Variants in GALNT2 observed in about 807,000 individuals in gnomAD.
GALNT2 encodes the protein UDP-GalNAc:polypeptide N-acetylgalactosaminyltransferase 2.
GALNT2 carries 31 observed loss-of-function variants against 81.4 expected under a neutral mutation model. The ratio of observed to expected loss-of-function variants is 0.38; its 90% confidence interval spans 0.29 to 0.51. The LOEUF (loss-of-function observed/expected upper bound fraction) is 0.51, where lower values mean the gene tolerates loss of function less well. GALNT2 is among the 20% of genes least tolerant of loss of function. The pLI, the probability that GALNT2 is intolerant of heterozygous loss-of-function variation, is 0.87. For missense variants in GALNT2, 629 were observed against 765.7 expected (o/e 0.82, Z 2.11); for synonymous variants, 303 against 287.4 (o/e 1.05, Z -0.55).
Position 230,079,218 on chromosome 1 carries a change from G to T in GALNT2, c.126+11812G>T, listed in dbSNP as rs1423169154. On this transcript the variant is annotated intron_variant, in intron 1 of 15. Coordinates refer to ENST00000366672, the MANE Select transcript of GALNT2 (RefSeq NM_004481.5). ...TTTTACGTGGTATTTGTCAATAAGA[G>T]ATTTTGGCAAATTATGATACTGCGT... is the stretch of plus-strand genomic sequence containing the variant. 2.0e-5 allele frequency among the ~76,000 whole-genome samples: 3 copies of T among 152,268 alleles called. No individual in the cohort carries two copies. In the South Asian group the frequency reaches 6.2e-4, roughly 31 times the overall value.
At position 230,170,692 on chromosome 1, in the gene GALNT2, G is replaced by A. The variant is rs530565339; in HGVS notation, c.127-7526G>A. Among the ~76,000 whole-genome samples, 18 of 152,328 alleles carry A rather than the reference G, an allele frequency of 1.2e-4. No homozygotes were observed. In the East Asian group the frequency reaches 2.7e-3, roughly 23 times the overall value. On this transcript the variant is annotated intron_variant, in intron 1 of 15. Transcript: ENST00000366672. ...TGGCAACAGAATCTGCTTCTGGTGA[G>A]GACTTCAGGAAACTTTTCATCATGG... is the stretch of plus-strand genomic sequence containing the variant.
At chr1:230,168,866 G>C (rs952471708) in intron 1 of GALNT2, among the ~76,000 whole-genome samples, 8 of 152,108 alleles carry the variant, frequency 5.3e-5, no homozygotes, top group African/African-American at 1.7e-4. Flanking sequence ...TCTTTATTCA[G>C]ATTTTTTACA....
intron 1 of GALNT2, among the ~76,000 whole-genome samples, chr1:230,141,788 CTT>C (rs60824749): frequency 4.6e-4 from 47 of 101,324 alleles, no homozygotes; most frequent in Admixed American, 2.4e-3. Flanking sequence ...TTTTGTTTTC[CTT>C]TTTTTTTTTT....
chr1:230,250,494 A>C lies in GALNT2; in HGVS notation c.943A>C (p.Lys315Gln). The stretch of plus-strand genomic sequence containing the variant: ...TGCTGGTGGGCTGTTTGTGATGGAT[A>C]AGTTCTATTTTGAAGAACTGGGGAA... ...MIAGGLFVMD[K>Q]FYFEELGKYD... The change falls in exon 10 of 16, where the codon AAG (lysine) becomes CAG (glutamine). Residue 315 changes from lysine to glutamine, a missense_variant. By Grantham distance (53) the Lys-to-Gln change is moderately conservative. Coordinates refer to ENST00000366672, the MANE Select transcript of GALNT2 (RefSeq NM_004481.5). 6.2e-7 allele frequency: 1 copy of C among 1,614,018 alleles called. No individual in the cohort carries two copies. Among genetic ancestry groups the C allele is most frequent in the Non-Finnish European group, 8.5e-7 (1 of 1,179,976 alleles).
At chr1:230,236,599 T>C in intron 5 of GALNT2, 61 bp from the exon 6 acceptor site, 1 of 1,536,770 alleles carries the variant, frequency 6.5e-7, no homozygotes, top group African/African-American at 1.4e-5. Context: ...ATACTATGGT[T>C]GAATGCAAAG....
chr1:230,074,652 T>G (rs1403893727), intron 1 of GALNT2, among the ~76,000 whole-genome samples: 1 of 152,212 alleles, frequency 6.6e-6, no homozygotes, highest in African/African-American at 2.4e-5. Flanking sequence ...GAGACTGCCT[T>G]TCTGTGTGGT....
chr1:230,154,237 AG>A (rs1437394826), intron 1 of GALNT2, among the ~76,000 whole-genome samples: 1 of 152,232 alleles, frequency 6.6e-6, no homozygotes, highest in Non-Finnish European at 1.5e-5. Context: ...GTGGAGACAT[AG>A]GCCCTTCGTC....
intron 3 of GALNT2, among the ~76,000 whole-genome samples, chr1:230,217,345 A>C (rs1664421220): frequency 6.6e-6 from 1 of 152,144 alleles, no homozygotes; most frequent in Admixed American, 6.5e-5. Flanking sequence ...AACTGGGAAG[A>C]GAGTTCTCAT....
At chr1:230,063,308 C>CAA (rs764050799), upstream of GALNT2, among the ~76,000 whole-genome samples, 9 of 89,068 alleles carry the variant, frequency 1.0e-4, no homozygotes, top group African/African-American at 2.1e-4. Context: ...AAGTGTCCAC[C>CAA]AAAAAAAAAA....
chr1:230,277,548 C>G (rs1572168267), intron 15 of GALNT2, among the ~76,000 whole-genome samples: 2 of 152,180 alleles, frequency 1.3e-5, no homozygotes, highest in Admixed American at 6.5e-5. Flanking sequence ...AACGAGGGAG[C>G]TGGAAATGAA....
At chr1:230,104,837 C>T (rs1367503395) in intron 1 of GALNT2, among the ~76,000 whole-genome samples, 4 of 152,202 alleles carry the variant, frequency 2.6e-5, no homozygotes, top group African/African-American at 7.2e-5. Flanking sequence ...GCACCTGGGC[C>T]CTTGCCAGGC....
In GALNT2 at chr1:230,255,303, C is replaced by T. The variant is rs1328624158; in HGVS notation, c.1095C>T (p.His365=). The T allele has an allele frequency of 3.7e-6, 6 of 1,614,222 alleles. No homozygotes were observed. The highest frequency in any genetic ancestry group is 5.1e-6 in the Non-Finnish European group (6 of 1,180,046). The stretch of plus-strand genomic sequence containing the variant: ...TGGGACACGTGTTCCGGAAGCAGCA[C>T]CCCTACACGTTCCCGGGTGGCAGTG... ...SRVGHVFRKQ[H]PYTFPGGSGT... Residue 365 remains histidine, a synonymous_variant, in exon 11 of 16, where the codon CAC becomes CAT. Transcript: ENST00000366672.
intron 1 of GALNT2, among the ~76,000 whole-genome samples, chr1:230,088,862 T>G (rs890238365): frequency 6.6e-6 from 1 of 152,086 alleles, no homozygotes; most frequent in Non-Finnish European, 1.5e-5. Flanking sequence ...TAAAACATTT[T>G]CATCCAAATG....
chr1:230,145,754 C>T (rs4846837), intron 1 of GALNT2, among the ~76,000 whole-genome samples: 25,649 of 152,188 alleles, frequency 0.17, 2,386 homozygotes, highest in Admixed American at 0.22. Flanking sequence ...CAGAACGTCA[C>T]CTGTCTTCTT....
At chr1:230,157,739 A>T (rs1350176574) in intron 1 of GALNT2, among the ~76,000 whole-genome samples, 1 of 152,242 alleles carries the variant, frequency 6.6e-6, no homozygotes, top group Non-Finnish European at 1.5e-5. Flanking sequence ...CAAAGGCTAC[A>T]TACTGTATAC....
chr1:230,134,142 C>G (rs1276309999), intron 1 of GALNT2, among the ~76,000 whole-genome samples: 1 of 147,046 alleles, frequency 6.8e-6, no homozygotes, highest in East Asian at 2.0e-4. Context: ...CAGAGTCTCA[C>G]TCTGTCACCA....
chr1:230,222,200 G>A (rs1463070139), intron 3 of GALNT2, among the ~76,000 whole-genome samples: 1 of 151,638 alleles, frequency 6.6e-6, no homozygotes, highest in African/African-American at 2.4e-5. Context: ...CTAATTTTTT[G>A]TATTTTTAGT....
At chr1:230,133,436 C>T (rs1661432169) in intron 1 of GALNT2, among the ~76,000 whole-genome samples, 2 of 150,366 alleles carry the variant, frequency 1.3e-5, no homozygotes, top group Non-Finnish European at 3.0e-5. Flanking sequence ...GTTTCTGTTT[C>T]GATTTCTTTT....
intron 6 of GALNT2, among the ~76,000 whole-genome samples, chr1:230,240,139 G>A (rs1444570738): frequency 6.6e-6 from 1 of 152,138 alleles, no homozygotes; most frequent in Admixed American, 6.5e-5. Context: ...TCCATAGATT[G>A]GAGTTTTTAT....
Sources: allele counts gnomAD v4.1 joint callset (sites outside exome capture counted in the v4.1 genomes callset), GRCh38; gene constraint gnomAD v4.1.1; transcripts MANE v1.5; gene names NCBI Gene and HGNC (gene_info 2026-07-23, HGNC 2026-07-21).